The following BRWD1 variants were observed in gnomAD, a reference collection of about 807,000 sequenced individuals.
BRWD1 encodes the protein bromodomain and WD repeat-containing protein 1.
A neutral mutation model predicts 251.2 loss-of-function variants in BRWD1; 82 were observed. That is an observed-to-expected ratio of 0.33 (90% CI 0.27 to 0.39). The LOEUF is 0.39. Ranked by LOEUF, BRWD1 falls within the 10% of genes least tolerant of loss-of-function variation. The probability of loss-of-function intolerance (pLI) is 1.00; values close to 1 mark genes in which losing one functional copy is unlikely to be tolerated. For synonymous variants in BRWD1, 918 were observed against 902.8 expected, an observed-to-expected ratio of 1.02 and a Z score of -0.30; for missense variants, 2,233 against 2,711.6, an observed-to-expected ratio of 0.82 and a Z score of 3.92.
At chr21:39,260,681 G>A (rs1351419073) in intron 17 of BRWD1, among the ~76,000 whole-genome samples, 1 of 152,192 alleles carries the variant, frequency 6.6e-6, no homozygotes, top group East Asian at 1.9e-4. Flanking sequence ...TGATCCCTGA[G>A]AGAAGGGGAA....
At chr21:39,298,179 C>T (rs1204009860) in intron 5 of BRWD1, 1 of 1,124,944 alleles carries the variant, frequency 8.9e-7, no homozygotes, top group Admixed American at 4.9e-5. Context: ...AAACCTCAAA[C>T]AACATCTCAG....
intron 20 of BRWD1, among the ~76,000 whole-genome samples, chr21:39,248,657 A>C (rs1271364738): frequency 1.2e-4 from 16 of 133,682 alleles, no homozygotes; most frequent in African/African-American, 4.3e-4. Flanking sequence ...AAAAAAAAAA[A>C]AAAAAAAAAA....
chr21:39,288,565 T>C (rs1212963626), intron 8 of BRWD1, among the ~76,000 whole-genome samples: 1 of 152,192 alleles, frequency 6.6e-6, no homozygotes, highest in Non-Finnish European at 1.5e-5. Flanking sequence ...GGGGTTAGGG[T>C]ACCAAACCCC....
chr21:39,246,221 C>G (rs2034183830), intron 21 of BRWD1, among the ~76,000 whole-genome samples: 1 of 151,924 alleles, frequency 6.6e-6, no homozygotes, highest in South Asian at 2.1e-4. Flanking sequence ...AAAGACCCCC[C>G]AAAAAAAGTG....
chr21:39,309,739 G>C lies in BRWD1; in HGVS notation c.198+3102C>G, dbSNP rs981946696. Among the ~76,000 whole-genome samples the C allele has an allele frequency of 2.0e-5, 3 of 151,570 alleles. No homozygotes were observed. The South Asian group carries it at 6.3e-4, about 32-fold the overall frequency. On this transcript the variant is annotated intron_variant, in intron 4 of 40. Transcript: ENST00000342449. The stretch of plus-strand genomic sequence containing the variant: ...ACTCGGGAGGCTGAGGCTGGAGAAT[G>C]GCGTGAATCCGGGAGGCGGAGCTTG...
intron 5 of BRWD1, chr21:39,297,607 G>T: frequency 8.5e-6 from 2 of 236,576 alleles, no homozygotes; most frequent in Non-Finnish European, 1.4e-5. Flanking sequence ...GCCACAGGGT[G>T]ACATGGCTAG....
intron 4 of BRWD1, among the ~76,000 whole-genome samples, chr21:39,299,813 A>C (rs557906475): frequency 5.2e-4 from 1 of 1,922 alleles, no homozygotes; most frequent in Non-Finnish European, 2.7e-3. Context: ...CATCTCTACT[A>C]AAAAAAAAAA....
In BRWD1 at chr21:39,295,830, C is replaced by G. The variant is rs761294036; in HGVS notation, c.522G>C (p.Gln174His). 1.2e-5 allele frequency: 20 copies of G among 1,611,498 alleles called. No individual in the cohort carries two copies. In the East Asian group the frequency reaches 1.8e-4, roughly 14 times the overall value. The change falls in exon 7 of 41, where the codon CAG (glutamine) becomes CAC (histidine). Residue 174 changes from glutamine to histidine, a missense_variant. Coordinates refer to ENST00000342449, the MANE Select transcript of BRWD1 (RefSeq NM_033656.4). ...GAATCCTTCTGTGCATTTTTATATG[C>G]TGATACATAGTTCCTGGAAATGCTG... ...FSTAFPGTMY[Q>H]HIKMHRRILG... is the part of the protein sequence containing the mutation.
chr21:39,259,559 A>G (rs906760437), intron 17 of BRWD1, among the ~76,000 whole-genome samples: 3 of 152,052 alleles, frequency 2.0e-5, no homozygotes, highest in African/African-American at 7.2e-5. Flanking sequence ...CGACCTCCCA[A>G]AGTGCTGGGA....
chr21:39,317,410 G>A (rs2836983), upstream of BRWD1, among the ~76,000 whole-genome samples: 77,985 of 152,114 alleles, frequency 0.51, 20,358 homozygotes, highest in African/African-American at 0.59. Flanking sequence ...ATCTTATGCC[G>A]TGGCAAGCAA....
At chr21:39,312,796 G>A in intron 4 of BRWD1, 45 bp downstream of exon 4, 8 of 1,523,396 alleles carry the variant, frequency 5.3e-6, no homozygotes, top group South Asian at 1.2e-5. Flanking sequence ...GGGGGCGGGG[G>A]GCGGTGCACG....
chr21:39,276,719 A>G (rs530074762), intron 11 of BRWD1, among the ~76,000 whole-genome samples: 42 of 151,034 alleles, frequency 2.8e-4, no homozygotes, highest in African/African-American at 1.0e-3. Flanking sequence ...CTTACTATGC[A>G]TTATTAAAAT....
chr21:39,212,632 A>C lies in BRWD1; in HGVS notation c.3900+34T>G, dbSNP rs2032709672. The stretch of plus-strand genomic sequence containing the variant: ...AATTGATTTTAAAACAAAGAAAAAG[A>C]AACTACAAAAGTCAACCATGCAGAG... On this transcript the variant is annotated intron_variant, in intron 34 of 40. Transcript: ENST00000342449. 2.7e-6 allele frequency: 4 copies of C among 1,487,608 alleles called. No individual in the cohort carries two copies. The East Asian group carries it at 9.1e-5, about 34-fold the overall frequency. 92.2% of individuals were successfully genotyped at this position (1,487,608 alleles called of 1,614,324 possible). A position where few individuals can be genotyped will look rare whatever the true frequency, so the allele number is the denominator to read the frequency against.
At chr21:39,314,113 C>T (rs1010670559), upstream of BRWD1, 12 of 456,004 alleles carry the variant, frequency 2.6e-5, no homozygotes, top group South Asian at 7.7e-5. Flanking sequence ...GGGGCCAGTG[C>T]GTCTTGCCCC....
Position 39,312,956 on chromosome 21 carries a change from G to GCGGC in BRWD1, c.139-57_139-56insGCCG, listed in dbSNP as rs1307602670. 3.8e-5 allele frequency: 15 copies of GCGGC among 394,846 alleles called. 1 individual carries two copies. Among genetic ancestry groups the GCGGC allele is most frequent in the Middle Eastern group, 1.0e-3 (1 of 1,002 alleles). 24.5% of individuals were successfully genotyped at this position (394,846 alleles called of 1,614,324 possible). On this transcript the variant is annotated intron_variant, in intron 3 of 40. Coordinates refer to ENST00000342449, the MANE Select transcript of BRWD1 (RefSeq NM_033656.4). ...CACCCCTCCGGCGCGGGGGGGGCGG[G>GCGGC]GGGCGGGGGGCCGGGGGCGGGCGGC...
chr21:39,256,267 CCTT>C (rs1177462586), intron 18 of BRWD1, among the ~76,000 whole-genome samples: 1 of 152,140 alleles, frequency 6.6e-6, no homozygotes, highest in Admixed American at 6.5e-5. Context: ...AAAAACTGTG[CCTT>C]CTTAAAAATT....
chr21:39,278,792 A>G lies in BRWD1; in HGVS notation c.954T>C (p.Thr318=). The change falls in exon 10 of 41, where the codon ACT becomes ACC. Residue 318 remains threonine, a synonymous_variant. Coordinates refer to ENST00000342449, the MANE Select transcript of BRWD1 (RefSeq NM_033656.4). ...TTTGAACGCCTGGCCTAGGCTTTTCAGTGAACTTCAGGGGACGTGGGCTTT... is the reference window on the plus strand; with the variant it reads ...TTTGAACGCCTGGCCTAGGCTTTTCGGTGAACTTCAGGGGACGTGGGCTTT... ...LKFSPRPLKF[T]EKPRPGVQML... 1.3e-6 allele frequency: 2 copies of G among 1,597,164 alleles called. No individual in the cohort carries two copies. Among genetic ancestry groups the G allele is most frequent in the East Asian group, 4.5e-5 (2 of 44,572 alleles).
intron 21 of BRWD1, among the ~76,000 whole-genome samples, chr21:39,244,681 G>A (rs1019936426): frequency 6.6e-6 from 1 of 151,800 alleles, no homozygotes; most frequent in Non-Finnish European, 1.5e-5. Flanking sequence ...ATGACCTTAC[G>A]TAACAGTTTT....
chr21:39,268,202 G>A (rs1233616747), intron 15 of BRWD1, among the ~76,000 whole-genome samples: 1 of 152,108 alleles, frequency 6.6e-6, no homozygotes, highest in Non-Finnish European at 1.5e-5. Context: ...TATATTGGGA[G>A]GCCGAGGCGG....
Sources: gnomAD v4.1 joint callset for allele counts (sites outside exome capture counted in the v4.1 genomes callset) on GRCh38, gnomAD v4.1.1 for gene constraint, MANE v1.5 for transcripts, NCBI Gene and HGNC (gene_info 2026-07-23, HGNC 2026-07-21) for gene names.